Variants in GNB1L observed in about 807,000 individuals in gnomAD.
GNB1L encodes guanine nucleotide-binding protein subunit beta-like protein 1.
In GNB1L, 20 loss-of-function variants were observed where a neutral mutation model predicts 29.1. The ratio of observed to expected loss-of-function variants is 0.69; its 90% CI spans 0.48 to 1.00. The LOEUF (loss-of-function observed/expected upper bound fraction) is 1.00. GNB1L is among the 50% of genes least tolerant of loss of function. GNB1L has a pLI of 0.00. For missense variants in GNB1L, 421 were observed against 464.9 expected (o/e 0.91, Z 0.87); for synonymous variants, 193 against 206.5 (o/e 0.93, Z 0.56).
intron 2 of GNB1L, chr22:19,850,461 G>A (rs555997374): frequency 2.3e-5 from 23 of 1,002,224 alleles, no homozygotes; most frequent in African/African-American, 6.9e-5. Flanking sequence ...CACCAGGCAC[G>A]ATTAGAGCTA....
chr22:19,797,252 G>C (rs1937316869), intron 7 of GNB1L, among the ~76,000 whole-genome samples: 1 of 152,004 alleles, frequency 6.6e-6, no homozygotes, highest in African/African-American at 2.4e-5. Flanking sequence ...TCACTAGGCA[G>C]GTGGTGGGAG....
chr22:19,851,803 C>G (rs1264958900), intron 2 of GNB1L: 1 of 1,614,080 alleles, frequency 6.2e-7, no homozygotes, highest in Non-Finnish European at 8.5e-7. Context: ...AGGGGGCTGC[C>G]CAGGCCTGGG....
chr22:19,830,824 C>T (rs1395307021), intron 2 of GNB1L, among the ~76,000 whole-genome samples: 1 of 152,164 alleles, frequency 6.6e-6, no homozygotes, highest in Non-Finnish European at 1.5e-5. Context: ...TATAGTACTC[C>T]TGTATAGACA....
chr22:19,806,257 C>T (rs897378108), intron 6 of GNB1L, among the ~76,000 whole-genome samples: 6 of 152,270 alleles, frequency 3.9e-5, no homozygotes, highest in South Asian at 2.1e-4. Context: ...CTAAGCAAAG[C>T]GGGGGCCGTG....
intron 4 of GNB1L, among the ~76,000 whole-genome samples, chr22:19,819,853 T>C (rs536283930): frequency 6.6e-6 from 1 of 152,170 alleles, no homozygotes; most frequent in Non-Finnish European, 1.5e-5. Flanking sequence ...TGGCCCTCAC[T>C]ACCACGCCCA....
At chr22:19,793,436 AG>A (rs1937273630) in intron 7 of GNB1L, among the ~76,000 whole-genome samples, 1 of 152,178 alleles carries the variant, frequency 6.6e-6, no homozygotes, top group Non-Finnish European at 1.5e-5. Context: ...ACAGAGCCTC[AG>A]GGGGCCATGG....
chr22:19,804,823 C>T (rs1159052174), intron 6 of GNB1L, among the ~76,000 whole-genome samples: 1 of 152,226 alleles, frequency 6.6e-6, no homozygotes, highest in Non-Finnish European at 1.5e-5. Flanking sequence ...CAAGTTTGTA[C>T]ATCCCTTTCT....
intron 5 of GNB1L, among the ~76,000 whole-genome samples, chr22:19,809,243 C>T (rs58827261): frequency 0.2 from 29,967 of 151,402 alleles, 3,154 homozygotes; most frequent in South Asian, 0.32. Context: ...AAGAGCACAC[C>T]GACAGAGGCT....
At position 19,788,870 on chromosome 22, in the gene GNB1L, G is replaced by A. The variant is rs1000288727; in HGVS notation, c.823C>T (p.His275Tyr). ...RKILATAGWDHRIRVFHWRTM... is the reference protein window; with the variant it reads ...RKILATAGWDYRIRVFHWRTM... ...CGCCAGTGGAACACGCGGATGCGGT[G>A]GTCCCAGCCTGCGGTGGCCAGGATC... Residue 275 changes from histidine to tyrosine, a missense_variant, in exon 8 of 8, where the codon CAC becomes TAC. By Grantham distance (83) the His-to-Tyr change is moderately conservative (BLOSUM62 2). Transcript: ENST00000329517. 6.2e-7 allele frequency: 1 copy of A among 1,612,954 alleles called. No individual in the cohort carries two copies. The highest frequency in any genetic ancestry group is 1.1e-5 in the South Asian group (1 of 91,062).
intron 2 of GNB1L, among the ~76,000 whole-genome samples, chr22:19,822,910 T>C (rs2145883552): frequency 6.6e-6 from 1 of 152,270 alleles, no homozygotes; most frequent in South Asian, 2.1e-4. Flanking sequence ...CTCTCCTTAC[T>C]CTATTCAGAG....
In GNB1L at chr22:19,788,706, G is replaced by C; in HGVS notation, c.*3C>G. 1 of 1,611,536 alleles carries C rather than the reference G, an allele frequency of 6.2e-7. No homozygotes were observed. The highest frequency in any genetic ancestry group is 1.1e-5 in the South Asian group (1 of 90,994). On this transcript the variant is annotated 3_prime_UTR_variant, in exon 8 of 8. Transcript: ENST00000329517. ...CTCGTCTCCCGGGAAGGGAGTGGGT[G>C]AGTCATGCGCGTGGGTAGAGTGACC...
At chr22:19,818,272 A>G (rs1937549998) in intron 4 of GNB1L, among the ~76,000 whole-genome samples, 1 of 152,228 alleles carries the variant, frequency 6.6e-6, no homozygotes, top group Non-Finnish European at 1.5e-5. Context: ...CTGATACCAC[A>G]AGGCACCTAC....
intron 7 of GNB1L, among the ~76,000 whole-genome samples, chr22:19,796,314 G>A (rs1330354550): frequency 1.3e-5 from 2 of 152,148 alleles, no homozygotes; most frequent in Non-Finnish European, 2.9e-5. Context: ...TGCGCCTGCT[G>A]GGGACCATGG....
chr22:19,809,627 G>A (rs546150371), intron 5 of GNB1L, among the ~76,000 whole-genome samples: 60 of 152,234 alleles, frequency 3.9e-4, no homozygotes, highest in African/African-American at 6.0e-4. Flanking sequence ...AGACACTGCT[G>A]TGGGGTCAAA....
chr22:19,849,455 GC>G (rs1400537619), intron 2 of GNB1L: 20 of 330,808 alleles, frequency 6.0e-5, no homozygotes, highest in African/African-American at 4.1e-4. Flanking sequence ...CACACCCTCT[GC>G]CTCCTGGGTT....
chr22:19,848,831 C>A (rs1222137310), intron 2 of GNB1L: 2 of 985,142 alleles, frequency 2.0e-6, no homozygotes, highest in Non-Finnish European at 2.4e-6. Flanking sequence ...GCTGGAGTAT[C>A]CACTTCAGGT....
At chr22:19,789,255 G>C (rs551356200) in intron 7 of GNB1L, among the ~76,000 whole-genome samples, 5 of 152,290 alleles carry the variant, frequency 3.3e-5, no homozygotes, top group Admixed American at 2.6e-4. Flanking sequence ...CTGCAGGAGA[G>C]GGGCTGGGTC....
intron 4 of GNB1L, among the ~76,000 whole-genome samples, chr22:19,815,030 T>C (rs979982974): frequency 6.8e-6 from 1 of 147,658 alleles, no homozygotes; most frequent in African/African-American, 2.5e-5. Flanking sequence ...AGCAAGACCC[T>C]GCCTCAAAAA....
chr22:19,819,570 G>A (rs904252956), intron 4 of GNB1L, among the ~76,000 whole-genome samples: 1 of 152,206 alleles, frequency 6.6e-6, no homozygotes, highest in Non-Finnish European at 1.5e-5. Flanking sequence ...GGAGGGTAGG[G>A]TCACACTGTC....
Sources: gnomAD v4.1 joint callset for allele counts (sites outside exome capture counted in the v4.1 genomes callset) on GRCh38, gnomAD v4.1.1 for gene constraint, MANE v1.5 for transcripts, NCBI Gene and HGNC (gene_info 2026-07-23, HGNC 2026-07-21) for gene names.